The following SLC5A8 variants were observed in gnomAD, a reference collection of about 807,000 sequenced individuals.
SLC5A8 encodes the protein solute carrier family 5 member 8, also known as sodium-coupled monocarboxylate transporter 1.
In SLC5A8, 55 loss-of-function variants were observed where a neutral mutation model predicts 71.9. That is an observed-to-expected ratio of 0.77 (90% confidence interval 0.62 to 0.96). SLC5A8 has a LOEUF of 0.96. Ranked by LOEUF, SLC5A8 falls within the 40% of genes least tolerant of loss-of-function variation. The pLI is 0.00. For synonymous variants in SLC5A8, 307 were observed against 276.1 expected, an observed-to-expected ratio of 1.11 and a Z score of -1.11; for missense variants, 701 against 745.3, an observed-to-expected ratio of 0.94 and a Z score of 0.69.
intron 5 of SLC5A8, among the ~76,000 whole-genome samples, chr12:101,191,714 T>C (rs928046761): frequency 2.0e-5 from 3 of 152,210 alleles, no homozygotes; most frequent in African/African-American, 7.2e-5. Flanking sequence ...TACAATATCC[T>C]TCTTCTCTTC....
intron 10 of SLC5A8, among the ~76,000 whole-genome samples, chr12:101,179,515 G>T (rs955706804): frequency 1.3e-5 from 2 of 152,126 alleles, no homozygotes; most frequent in African/African-American, 4.8e-5. Context: ...GAATCTCCAG[G>T]GAATTATGCC....
intron 7 of SLC5A8, among the ~76,000 whole-genome samples, chr12:101,186,712 C>A (rs1353700128): frequency 6.6e-6 from 1 of 152,184 alleles, no homozygotes; most frequent in Non-Finnish European, 1.5e-5. Context: ...CAGAGGGTGA[C>A]TGTGAAGATT....
intron 12 of SLC5A8, 47 bp downstream of exon 12, chr12:101,166,447 T>A (rs2051770695): frequency 3.3e-6 from 5 of 1,519,744 alleles, no homozygotes; most frequent in African/African-American, 1.4e-5. Flanking sequence ...TCTCTACTTG[T>A]TGCGTAAATT....
At chr12:101,168,578 A>G (rs2051795768) in intron 10 of SLC5A8, among the ~76,000 whole-genome samples, 1 of 152,220 alleles carries the variant, frequency 6.6e-6, no homozygotes, top group Non-Finnish European at 1.5e-5. Flanking sequence ...GTGGACGAGT[A>G]CTGCTATGTG....
At chr12:101,192,275 T>C (rs1298865486) in intron 5 of SLC5A8, among the ~76,000 whole-genome samples, 1 of 152,182 alleles carries the variant, frequency 6.6e-6, no homozygotes, top group East Asian at 1.9e-4. Flanking sequence ...ATATTGAAAA[T>C]AGTCAAAGTT....
chr12:101,184,613 G>A (rs989713977), intron 7 of SLC5A8, among the ~76,000 whole-genome samples: 2 of 152,186 alleles, frequency 1.3e-5, no homozygotes, highest in African/African-American at 4.8e-5. Flanking sequence ...CTATTCTTGA[G>A]AATAATAAGT....
intron 11 of SLC5A8, among the ~76,000 whole-genome samples, chr12:101,167,762 T>A (rs770038137): frequency 2.6e-5 from 4 of 152,230 alleles, no homozygotes; most frequent in Non-Finnish European, 2.9e-5. Flanking sequence ...CTTAAATCTC[T>A]CATCTCTGAG....
Position 101,190,605 on chromosome 12 carries a change from A to G in SLC5A8, c.696T>C (p.Phe232=). Residue 232 remains phenylalanine, a synonymous_variant, in exon 6 of 15, where the codon TTT becomes TTC. Transcript: ENST00000536262. ...TGTGTCTTTGCAAAGGGTTAGGATTAAAACTAAATGACAAGAAACAGAAAA... is the reference window on the plus strand; with the variant it reads ...TGTGTCTTTGCAAAGGGTTAGGATTGAAACTAAATGACAAGAAACAGAAAA... ...YDGGRLNFWN[F]NPNPLQRHTF... 2 of 1,595,934 alleles carry G rather than the reference A, an allele frequency of 1.3e-6. No homozygotes were observed. Among genetic ancestry groups the G allele is most frequent in the Non-Finnish European group, 1.7e-6 (2 of 1,174,656 alleles).
intron 3 of SLC5A8, among the ~76,000 whole-genome samples, chr12:101,200,166 C>T (rs118095711): frequency 0.032 from 4,791 of 149,654 alleles, 104 homozygotes; most frequent in Non-Finnish European, 0.045. Flanking sequence ...TATATAAAAT[C>T]TAACAACAGG....
chr12:101,164,415 A>G (rs1354939332), intron 12 of SLC5A8, among the ~76,000 whole-genome samples: 1 of 152,228 alleles, frequency 6.6e-6, no homozygotes, highest in African/African-American at 2.4e-5. Context: ...CAATGTAACC[A>G]TCAAATATTG....
chr12:101,170,312 T>C (rs945016833), intron 10 of SLC5A8, among the ~76,000 whole-genome samples: 1 of 152,178 alleles, frequency 6.6e-6, no homozygotes, highest in Admixed American at 6.5e-5. Context: ...ATGAAGTATT[T>C]CTACTTCTGA....
intron 1 of SLC5A8, 52 bp from the exon 2 acceptor site, chr12:101,204,617 C>G (rs937818943): frequency 3.4e-5 from 43 of 1,259,872 alleles, no homozygotes; most frequent in Non-Finnish European, 4.6e-5. Context: ...TTTTTAAAAT[C>G]AGCAGCTCAA....
At chr12:101,209,304 C>G (rs920154377) in intron 1 of SLC5A8, among the ~76,000 whole-genome samples, 194 bp downstream of exon 1, 22 of 152,096 alleles carry the variant, frequency 1.4e-4, no homozygotes, top group Admixed American at 1.3e-3. Context: ...TTAGAGGACG[C>G]CTCTCAGTAG....
intron 11 of SLC5A8, 32 bp from the exon 12 acceptor site, chr12:101,166,731 T>C (rs1315403465): frequency 6.5e-7 from 1 of 1,533,256 alleles, no homozygotes; most frequent in Non-Finnish European, 8.8e-7. Flanking sequence ...AAAAGAAAAA[T>C]AATACAATTT....
chr12:101,170,706 A>G (rs2051821044), intron 10 of SLC5A8, among the ~76,000 whole-genome samples: 1 of 151,896 alleles, frequency 6.6e-6, no homozygotes. Flanking sequence ...TGTTCACCCC[A>G]CCCACACCCA....
At chr12:101,201,480 G>T (rs112372431) in intron 3 of SLC5A8, among the ~76,000 whole-genome samples, 2 of 152,256 alleles carry the variant, frequency 1.3e-5, no homozygotes, top group African/African-American at 2.4e-5. Context: ...AATTCACTTC[G>T]AATAGATAAG....
At chr12:101,203,639 G>A (rs945499951) in intron 2 of SLC5A8, among the ~76,000 whole-genome samples, 4 of 152,324 alleles carry the variant, frequency 2.6e-5, no homozygotes, top group East Asian at 1.9e-4. Context: ...GAGCCACCGC[G>A]GCTGGCCCTT....
At position 101,181,986 on chromosome 12, in the gene SLC5A8, T is replaced by A. The variant is rs546050859; in HGVS notation, c.1165+817A>T. The stretch of plus-strand genomic sequence containing the variant: ...TTGTGTTGAGGTTAAAGATTCTTTC[T>A]CGAAAAGGAATTTGTTAGTCATGCA... On this transcript the variant is annotated intron_variant, in intron 9 of 14. Coordinates refer to ENST00000536262, the MANE Select transcript of SLC5A8 (RefSeq NM_145913.5). Among the ~76,000 whole-genome samples, 32 of 152,308 alleles carry A rather than the reference T, an allele frequency of 2.1e-4. No homozygotes were observed. In the East Asian group the frequency reaches 6.2e-3, roughly 29 times the overall value.
At chr12:101,170,167 T>C (rs2051815268) in intron 10 of SLC5A8, among the ~76,000 whole-genome samples, 1 of 152,176 alleles carries the variant, frequency 6.6e-6, no homozygotes, top group Non-Finnish European at 1.5e-5. Flanking sequence ...GTTGTAAAGA[T>C]TGGTCTGTCC....
Sources: allele counts gnomAD v4.1 joint callset (sites outside exome capture counted in the v4.1 genomes callset), GRCh38; gene constraint gnomAD v4.1.1; transcripts MANE v1.5; gene names NCBI Gene and HGNC (gene_info 2026-07-23, HGNC 2026-07-21).